Variants in UBE2E2 observed in about 807,000 individuals in gnomAD.
UBE2E2 encodes the protein ubiquitin-conjugating enzyme E2 E2.
A neutral mutation model predicts 24.7 loss-of-function variants in UBE2E2; 6 were observed. The observed-to-expected ratio is 0.24, with a 90% CI of 0.13 to 0.48. UBE2E2 has a LOEUF of 0.48. Ranked by LOEUF, UBE2E2 falls within the 20% of genes least tolerant of loss-of-function variation. The pLI is 0.99. For synonymous variants in UBE2E2, 104 were observed against 83.6 expected, an observed-to-expected ratio of 1.24 and a Z score of -1.33; for missense variants, 169 against 245.0, an observed-to-expected ratio of 0.69 and a Z score of 2.07.
Position 23,424,247 on chromosome 3 carries a change from C to T in UBE2E2, c.228-75361C>T, listed in dbSNP as rs557847529. ...AGAAATAAAAGAAAAGCTACATAAT[C>T]TGCAGTATAATATTAATGAAAATAC... is the stretch of plus-strand genomic sequence containing the variant. On this transcript the variant is annotated intron_variant, in intron 3 of 5. Coordinates refer to ENST00000396703, the MANE Select transcript of UBE2E2 (RefSeq NM_152653.4). Among the ~76,000 whole-genome samples the T allele has an allele frequency of 7.9e-5, 12 of 152,172 alleles. No homozygotes were observed. The East Asian group carries it at 2.3e-3, about 29-fold the overall frequency.
chr3:23,574,821 C>A (rs1338248197), intron 5 of UBE2E2, among the ~76,000 whole-genome samples: 5 of 152,184 alleles, frequency 3.3e-5, no homozygotes, highest in Non-Finnish European at 7.4e-5. Flanking sequence ...TCACTTGCTG[C>A]TTCACACAGT....
In UBE2E2 at chr3:23,499,692, C is replaced by T; in HGVS notation, c.312C>T (p.Phe104=). The T allele has an allele frequency of 6.2e-7, 1 of 1,613,890 alleles. No individual in the cohort carries two copies. ...GATCTGTCTATGAAGGAGGGGTGTTCTTTCTTGACATTACCTTTTCACCAG... is the reference window on the plus strand; with the variant it reads ...GATCTGTCTATGAAGGAGGGGTGTTTTTTCTTGACATTACCTTTTCACCAG... ...PPGSVYEGGV[F]FLDITFSPDY... is the part of the protein sequence containing the mutation. Residue 104 remains phenylalanine, a synonymous_variant, in exon 4 of 6, where the codon TTC becomes TTT. Coordinates refer to ENST00000396703, the MANE Select transcript of UBE2E2 (RefSeq NM_152653.4).
At chr3:23,233,291 A>G (rs1697018409) in intron 3 of UBE2E2, among the ~76,000 whole-genome samples, 2 of 152,214 alleles carry the variant, frequency 1.3e-5, no homozygotes, top group Admixed American at 6.5e-5. Context: ...TTGCATTCTT[A>G]TCAAAGCTGT....
rs926024871 is a variant in UBE2E2, at chr3:23,573,234, A to G, written c.509-16500A>G. On this transcript the variant is annotated intron_variant, in intron 5 of 5. Coordinates refer to ENST00000396703, the MANE Select transcript of UBE2E2 (RefSeq NM_152653.4). ...GTGTATGATAAAGTTAACATTTCAC[A>G]TAAAAGTTACTGTAAATATAGGAGA... Among the ~76,000 whole-genome samples, 6 of 152,238 alleles carry G rather than the reference A, an allele frequency of 3.9e-5. No homozygotes were observed. The East Asian group carries it at 1.2e-3, about 29-fold the overall frequency.
At chr3:23,469,253 A>G (rs982363934) in intron 3 of UBE2E2, among the ~76,000 whole-genome samples, 2 of 152,162 alleles carry the variant, frequency 1.3e-5, no homozygotes, top group Admixed American at 6.6e-5. Context: ...GGATTTAAAC[A>G]TATCAATTTG....
chr3:23,545,827 C>T (rs577029116), intron 5 of UBE2E2, among the ~76,000 whole-genome samples: 6 of 152,150 alleles, frequency 3.9e-5, no homozygotes. Context: ...GAATACTACT[C>T]AGCCATAAAA....
At chr3:23,520,658 G>A (rs1244898769) in intron 4 of UBE2E2, among the ~76,000 whole-genome samples, 1 of 152,144 alleles carries the variant, frequency 6.6e-6, no homozygotes, top group Non-Finnish European at 1.5e-5. Context: ...ATTTTTATTA[G>A]TTTTAGAGAC....
chr3:23,421,532 G>A (rs1005690697), intron 3 of UBE2E2, among the ~76,000 whole-genome samples: 1 of 152,130 alleles, frequency 6.6e-6, no homozygotes, highest in Non-Finnish European at 1.5e-5. Flanking sequence ...CCAGCCTCCC[G>A]AGTAGCTGAG....
intron 3 of UBE2E2, among the ~76,000 whole-genome samples, chr3:23,363,908 C>G (rs925794396): frequency 2.7e-5 from 4 of 150,648 alleles, no homozygotes; most frequent in African/African-American, 9.8e-5. Flanking sequence ...AGACGATTCT[C>G]AGCAACTTAA....
chr3:23,390,707 G>A (rs1219737018), intron 3 of UBE2E2, among the ~76,000 whole-genome samples: 1 of 152,128 alleles, frequency 6.6e-6, no homozygotes. Flanking sequence ...AAGCACTTCT[G>A]CACCTGCTTG....
At chr3:23,347,041 A>G (rs1039659400) in intron 3 of UBE2E2, among the ~76,000 whole-genome samples, 5 of 152,102 alleles carry the variant, frequency 3.3e-5, no homozygotes, top group African/African-American at 1.2e-4. Context: ...CATTTTTGTC[A>G]TGCTACTTCC....
intron 3 of UBE2E2, among the ~76,000 whole-genome samples, chr3:23,434,052 C>A (rs1233293148): frequency 6.6e-6 from 1 of 152,046 alleles, no homozygotes; most frequent in African/African-American, 2.4e-5. Flanking sequence ...CTAATATGCA[C>A]TGTCTGAAGC....
At chr3:23,586,837 AT>A (rs958018901) in intron 5 of UBE2E2, among the ~76,000 whole-genome samples, 1 of 152,116 alleles carries the variant, frequency 6.6e-6, no homozygotes, top group African/African-American at 2.4e-5. Flanking sequence ...GTAAAAAGTT[AT>A]TTACCATATC....
intron 3 of UBE2E2, among the ~76,000 whole-genome samples, chr3:23,351,926 A>G (rs904767454): frequency 2.6e-5 from 4 of 152,226 alleles, no homozygotes; most frequent in South Asian, 2.1e-4. Context: ...TCAACAGAAT[A>G]TACATTTTTT....
chr3:23,334,241 A>G (rs1321402029), intron 3 of UBE2E2, among the ~76,000 whole-genome samples: 1 of 152,198 alleles, frequency 6.6e-6, no homozygotes, highest in African/African-American at 2.4e-5. Context: ...AAAGAGATTT[A>G]AAGGTTTCCT....
At chr3:23,299,545 A>G (rs1437925401) in intron 3 of UBE2E2, among the ~76,000 whole-genome samples, 2 of 152,166 alleles carry the variant, frequency 1.3e-5, no homozygotes, top group South Asian at 2.1e-4. Context: ...TTATGTACCC[A>G]GTAGTCATTC....
intron 3 of UBE2E2, among the ~76,000 whole-genome samples, chr3:23,356,143 C>G (rs986035851): frequency 1.3e-5 from 2 of 152,166 alleles, no homozygotes; most frequent in African/African-American, 4.8e-5. Flanking sequence ...TACAGCAAGT[C>G]AGACAAGCAG....
intron 4 of UBE2E2, among the ~76,000 whole-genome samples, chr3:23,515,533 A>G (rs1012015941): frequency 3.3e-5 from 5 of 152,062 alleles, no homozygotes; most frequent in Admixed American, 1.3e-4. Context: ...CTCCTTGGAC[A>G]TGGATACCAT....
chr3:23,514,227 C>T (rs1042947022), intron 4 of UBE2E2, among the ~76,000 whole-genome samples: 2 of 152,192 alleles, frequency 1.3e-5, no homozygotes, highest in African/African-American at 2.4e-5. Context: ...CTGAGAGGTA[C>T]ATTTTCTGAC....
Sources: gnomAD v4.1 joint callset for allele counts (sites outside exome capture counted in the v4.1 genomes callset) on GRCh38, gnomAD v4.1.1 for gene constraint, MANE v1.5 for transcripts, NCBI Gene and HGNC (gene_info 2026-07-23, HGNC 2026-07-21) for gene names.